Variants in FAM149A observed in about 807,000 individuals in gnomAD.
The protein encoded by FAM149A is family with sequence similarity 149 member A.
FAM149A carries 71 observed loss-of-function variants against 78.2 expected under a neutral mutation model. The ratio of observed to expected loss-of-function variants is 0.91; its 90% CI spans 0.75 to 1.11. FAM149A has a LOEUF of 1.11. FAM149A is among the 50% of genes least tolerant of loss of function. The probability of loss-of-function intolerance (pLI) is 0.00; values close to 1 mark genes in which losing one functional copy is unlikely to be tolerated. For missense variants in FAM149A, 1,036 were observed against 971.0 expected (o/e 1.07, Z -0.89); for synonymous variants, 446 against 410.5 (o/e 1.09, Z -1.04).
At chr4:186,153,595 T>C in intron 4 of FAM149A, 50 bp from the exon 5 acceptor site, 1 of 1,581,632 alleles carries the variant, frequency 6.3e-7, no homozygotes, top group Non-Finnish European at 8.6e-7. Context: ...CTCCAAACAT[T>C]TTCCCTTTGT....
chr4:186,137,276 G>C (rs73027926), intron 1 of FAM149A, among the ~76,000 whole-genome samples: 1,939 of 151,442 alleles, frequency 0.013, 46 homozygotes, highest in African/African-American at 0.045. Context: ...ATATAAAAGA[G>C]TAGCCACCTT....
At chr4:186,118,196 C>G (rs1178199823) in intron 1 of FAM149A, 3 of 985,322 alleles carry the variant, frequency 3.0e-6, no homozygotes, top group Non-Finnish European at 2.4e-6. Context: ...GATGACATCA[C>G]ACACCACGCA....
intron 9 of FAM149A, among the ~76,000 whole-genome samples, chr4:186,163,194 G>T (rs1734750481): frequency 6.6e-6 from 1 of 152,174 alleles, no homozygotes; most frequent in Non-Finnish European, 1.5e-5. Flanking sequence ...TTAATCTTGT[G>T]GGCTTGACTG....
intron 1 of FAM149A, chr4:186,131,917 G>T (rs115518673): frequency 1.0e-6 from 1 of 985,298 alleles, no homozygotes; most frequent in Non-Finnish European, 1.2e-6. Flanking sequence ...CCCCAAACAA[G>T]CTTTGTAAGG....
chr4:186,142,942 A>G (rs73027934), intron 1 of FAM149A, among the ~76,000 whole-genome samples: 20,971 of 152,086 alleles, frequency 0.14, 3,030 homozygotes, highest in African/African-American at 0.37. Flanking sequence ...TCTGGGACAC[A>G]TTCACACATA....
intron 1 of FAM149A, among the ~76,000 whole-genome samples, chr4:186,136,146 T>C (rs2099322589): frequency 6.6e-6 from 1 of 152,190 alleles, no homozygotes; most frequent in African/African-American, 2.4e-5. Context: ...AAATCAAACA[T>C]TGAAAAACAC....
intron 10 of FAM149A, 107 bp from the exon 11 acceptor site, chr4:186,165,237 T>C: frequency 3.3e-6 from 4 of 1,230,408 alleles, no homozygotes; most frequent in Non-Finnish European, 3.6e-6. Flanking sequence ...AGACCTCCTG[T>C]GTGCCCCTCA....
rs865936035 is a variant in FAM149A at position 186,157,724 on chromosome 4, G to T, written c.1575+5G>T. On this transcript the variant is annotated splice_donor_5th_base_variant and intron_variant, in intron 8 of 13. Coordinates refer to ENST00000389354, the MANE Select transcript of FAM149A (RefSeq NM_001367768.3). ...TCTCGTCTGAACCCGCCCCAGGTCG[G>T]TGCTTTCACACCCTTCTCCCTCTTG... The T allele has an allele frequency of 6.2e-7, 1 of 1,602,970 alleles. No individual in the cohort carries two copies. Among genetic ancestry groups the T allele is most frequent in the Non-Finnish European group, 8.5e-7 (1 of 1,174,076 alleles).
intron 1 of FAM149A, chr4:186,130,293 C>CTCTCTCTCTATATATATATA: frequency 3.6e-4 from 17 of 46,586 alleles, no homozygotes; most frequent in Non-Finnish European, 5.4e-4. Context: ...CTCTCTCTCT[C>CTCTCTCTCTATATATATATA]TATATATATA....
intron 13 of FAM149A, 106 bp from the exon 14 acceptor site, chr4:186,171,808 A>G: frequency 1.3e-6 from 1 of 761,114 alleles, no homozygotes; most frequent in Non-Finnish European, 1.9e-6. Flanking sequence ...GTATTAAAAT[A>G]AAATATATAT....
intron 1 of FAM149A, chr4:186,133,099 G>C: frequency 1.0e-6 from 1 of 985,394 alleles, no homozygotes; most frequent in Non-Finnish European, 1.2e-6. Flanking sequence ...ATTCACTGGT[G>C]GGTAAAGGTT....
chr4:186,124,180 G>A (rs1430390085), intron 1 of FAM149A: 1 of 985,144 alleles, frequency 1.0e-6, no homozygotes, highest in Middle Eastern at 5.2e-4. Flanking sequence ...AAATGCAAAG[G>A]CACTATATTC....
chr4:186,118,521 C>T (rs1458264115), intron 1 of FAM149A, among the ~76,000 whole-genome samples: 2 of 151,970 alleles, frequency 1.3e-5, no homozygotes, highest in African/African-American at 2.4e-5. Flanking sequence ...AAAGTATTTA[C>T]ATACAATAAA....
rs1352909635 is a variant in FAM149A, at chr4:186,105,348, T to G, written c.272T>G (p.Val91Gly). 8.5e-7 allele frequency: 1 copy of G among 1,178,482 alleles called. No homozygotes were observed. Among genetic ancestry groups the G allele is most frequent in the Non-Finnish European group, 1.1e-6 (1 of 943,812 alleles). The allele number at this position is 1,178,482 out of a possible 1,614,324, so 73.0% of individuals were successfully genotyped here. The change falls in exon 1 of 14, where the codon GTG (valine) becomes GGG (glycine). Residue 91 changes from valine (V) to glycine (G), a missense_variant. Physicochemically the swap from Val to Gly is moderately radical, Grantham distance 109. This residue lies in a region of FAM149A where 316 missense variants were observed against 241.9 expected (regional missense o/e 1.31). Transcript: ENST00000389354. Reference sequence around the variant, plus strand: ...GCCGCCAGCCGCGCCGCGGGAGCAGTGGGGACCCTGCTCTCTTGGCCCAGT... The same window carrying G: ...GCCGCCAGCCGCGCCGCGGGAGCAGGGGGGACCCTGCTCTCTTGGCCCAGT...
At chr4:186,156,889 C>T (rs1240289258) in intron 7 of FAM149A, among the ~76,000 whole-genome samples, 2 of 91,806 alleles carry the variant, frequency 2.2e-5, no homozygotes, top group African/African-American at 6.3e-5. Flanking sequence ...ATGGGAGGAC[C>T]CCTTGAGCTC....
rs775172147 is a variant in FAM149A at position 186,162,837 on chromosome 4, G to C, written c.1576-8G>C. 1.1e-5 allele frequency: 5 copies of C among 466,368 alleles called. No homozygotes were observed. The highest frequency in any genetic ancestry group is 5.0e-5 in the South Asian group (2 of 39,622). 28.9% of individuals were successfully genotyped at this position (466,368 alleles called of 1,614,324 possible). On this transcript the variant is annotated splice_polypyrimidine_tract_variant and splice_region_variant and intron_variant, in intron 8 of 13. Transcript: ENST00000389354. ...TTTTTTTTTTTTTTTTTTTTTTACT[G>C]TTCTCAGATTCATCACTTCTCCAGC...
chr4:186,124,300 A>T (rs1374218435), intron 1 of FAM149A: 137 of 691,372 alleles, frequency 2.0e-4, no homozygotes, highest in Middle Eastern at 7.9e-4. Flanking sequence ...TTTAGGGTAC[A>T]TGTGTACAAC....
chr4:186,113,330 C>T (rs2099312122), intron 1 of FAM149A, among the ~76,000 whole-genome samples: 1 of 120,848 alleles, frequency 8.3e-6, no homozygotes, highest in Non-Finnish European at 1.7e-5. Context: ...TTTGTTGATC[C>T]TTTCAAAAAA....
At chr4:186,108,661 C>T (rs2099309794) in intron 1 of FAM149A, among the ~76,000 whole-genome samples, 1 of 152,118 alleles carries the variant, frequency 6.6e-6, no homozygotes, top group South Asian at 2.1e-4. Context: ...CTGTCTTCAC[C>T]TCACTTTCCT....
Sources: gnomAD v4.1 joint callset for allele counts (sites outside exome capture counted in the v4.1 genomes callset) on GRCh38, gnomAD v4.1.1 for gene constraint, gnomAD v4.1.1 regional missense constraint, MANE v1.5 for transcripts, NCBI Gene and HGNC (gene_info 2026-07-23, HGNC 2026-07-21) for gene names.